The following CFAP20DC variants were observed in gnomAD, a reference collection of about 807,000 sequenced individuals.
The protein encoded by CFAP20DC is protein CFAP20DC.
A neutral mutation model predicts 101.7 loss-of-function variants in CFAP20DC; 84 were observed. That is an observed-to-expected ratio of 0.83 (90% confidence interval 0.69 to 0.99). The LOEUF is 0.99. Ranked by LOEUF, CFAP20DC falls within the 50% of genes least tolerant of loss-of-function variation. The pLI is 0.00. For synonymous variants in CFAP20DC, 359 were observed against 351.2 expected, an observed-to-expected ratio of 1.02 and a Z score of -0.25; for missense variants, 1,007 against 970.3, an observed-to-expected ratio of 1.04 and a Z score of -0.50.
intron 14 of CFAP20DC, among the ~76,000 whole-genome samples, chr3:58,808,700 A>C (rs1467160206): frequency 6.6e-6 from 1 of 152,224 alleles, no homozygotes; most frequent in African/African-American, 2.4e-5. Context: ...ACAGGATCAA[A>C]TTCACACATA....
intron 6 of CFAP20DC, among the ~76,000 whole-genome samples, chr3:58,890,909 C>T (rs1461271877): frequency 8.9e-4 from 131 of 147,660 alleles, no homozygotes; most frequent in African/African-American, 3.1e-3. Flanking sequence ...GATGGGATGG[C>T]GGCCGGGCGG....
intron 13 of CFAP20DC, among the ~76,000 whole-genome samples, chr3:58,836,010 G>C (rs1485048309): frequency 6.6e-6 from 1 of 152,160 alleles, no homozygotes; most frequent in Non-Finnish European, 1.5e-5. Context: ...ATTTGTCCTA[G>C]GAACGAGGCA....
At chr3:58,967,072 A>G (rs2091605209) in intron 4 of CFAP20DC, among the ~76,000 whole-genome samples, 1 of 152,214 alleles carries the variant, frequency 6.6e-6, no homozygotes, top group East Asian at 1.9e-4. Flanking sequence ...AGCATGAACA[A>G]AGTTGGAGGA....
At chr3:59,009,345 T>A (rs1047553000) in intron 4 of CFAP20DC, among the ~76,000 whole-genome samples, 4 of 151,784 alleles carry the variant, frequency 2.6e-5, no homozygotes, top group African/African-American at 9.7e-5. Context: ...AATTGCCAGA[T>A]AAAAAATTCA....
chr3:58,884,258 G>A (rs551654456), intron 7 of CFAP20DC, among the ~76,000 whole-genome samples: 9 of 152,198 alleles, frequency 5.9e-5, no homozygotes, highest in Non-Finnish European at 1.2e-4. Context: ...AGTGGTTAAA[G>A]TTACTGTTTC....
At chr3:58,886,869 G>A (rs1160543142) in intron 6 of CFAP20DC, among the ~76,000 whole-genome samples, 1 of 152,076 alleles carries the variant, frequency 6.6e-6, no homozygotes, top group African/African-American at 2.4e-5. Context: ...TATGAGTAAA[G>A]TTTCTGTTTT....
chr3:58,937,238 C>A (rs1270344283), intron 5 of CFAP20DC, among the ~76,000 whole-genome samples: 3 of 152,198 alleles, frequency 2.0e-5, no homozygotes, highest in Non-Finnish European at 4.4e-5. Context: ...CTCTTTCCAG[C>A]GTCCACGCTT....
chr3:59,020,941 C>T (rs1354538485), intron 4 of CFAP20DC, among the ~76,000 whole-genome samples: 1 of 152,002 alleles, frequency 6.6e-6, no homozygotes, highest in Admixed American at 6.6e-5. Context: ...TTTTGTAAAC[C>T]ATCTTAGCAA....
Position 58,729,253 on chromosome 3 carries a change from G to A in CFAP20DC, c.198-11625C>T, listed in dbSNP as rs758761480. Among the ~76,000 whole-genome samples the A allele has an allele frequency of 3.7e-4, 56 of 152,188 alleles. No individual in the cohort carries two copies. The highest frequency in any genetic ancestry group is 1.7e-3 in the South Asian group (8 of 4,826). On this transcript the variant is annotated intron_variant, in intron 3 of 3. Coordinates refer to the CFAP20DC transcript ENST00000486145. This position sits in a 1 kb window ranked among gnomAD's most constrained non-coding sequence, Gnocchi z 4.4. ...GACAACTAATATAATATTTTAATTCGTATCAATAAATGTTTCATAATTTTG... is the reference window on the plus strand; with the variant it reads ...GACAACTAATATAATATTTTAATTCATATCAATAAATGTTTCATAATTTTG...
rs932392883 is a variant in CFAP20DC, at chr3:58,874,014, G to A, written c.716-3705C>T. Among the ~76,000 whole-genome samples the A allele has an allele frequency of 2.6e-5, 4 of 152,262 alleles. No homozygotes were observed. The highest frequency in any genetic ancestry group is 7.2e-5 in the African/African-American group (3 of 41,476). ...AGTCTGGATAGCTATTCTGGATGCC[G>A]TAAGGCAGATTCAGACATCAGGTGA... On this transcript the variant is annotated intron_variant, in intron 7 of 16. Transcript: ENST00000482387. The surrounding 1 kb of genome is among the most constrained non-coding windows in gnomAD (Gnocchi z 5.1).
In CFAP20DC at chr3:58,867,933, G is replaced by C; in HGVS notation, c.1019C>G (p.Ala340Gly). 1 of 1,604,948 alleles carries C rather than the reference G, an allele frequency of 6.2e-7. No individual in the cohort carries two copies. The highest frequency in any genetic ancestry group is 1.3e-5 in the African/African-American group (1 of 74,476). ...QIKQTVPIHA[A>G]NLHIMHPHPP... ...ATGCGGATGCATAATATGTAGATTG[G>C]CTGCTACATTTTCATATCAAAGCAC... Residue 340 changes from alanine to glycine, a missense_variant, in exon 10 of 17, where the codon GCC (alanine) becomes GGC (glycine). Transcript: ENST00000482387.
chr3:59,018,181 C>G (rs1868161), intron 4 of CFAP20DC: 36,661 of 151,952 alleles, frequency 0.24, 5,118 homozygotes, highest in African/African-American at 0.39. Flanking sequence ...ATGTGGCAAA[C>G]TATGCTAGGT....
At chr3:58,763,696 T>C (rs1428676619) in intron 15 of CFAP20DC, among the ~76,000 whole-genome samples, 1 of 152,194 alleles carries the variant, frequency 6.6e-6, no homozygotes, top group Non-Finnish European at 1.5e-5. Context: ...TTGATGATGG[T>C]GATGTACAGA....
In CFAP20DC at chr3:58,753,729, A is replaced by G. The variant is rs1378518798; in HGVS notation, c.2332+40T>C. ...GGATTCTCTCTATTTATAGTAAATTATTTTTATTTTCTTATGCATATCGTT... is the reference window on the plus strand; with the variant it reads ...GGATTCTCTCTATTTATAGTAAATTGTTTTTATTTTCTTATGCATATCGTT... On this transcript the variant is annotated intron_variant, in intron 16 of 16. Coordinates refer to ENST00000482387, the MANE Select transcript of CFAP20DC (RefSeq NM_001394063.1). 5 of 1,269,320 alleles carry G rather than the reference A, an allele frequency of 3.9e-6. No individual in the cohort carries two copies. The African/African-American group carries it at 5.9e-5, about 15-fold the overall frequency. The allele number at this position is 1,269,320 out of a possible 1,614,324, so 78.6% of individuals were successfully genotyped here. A position where few individuals can be genotyped will look rare whatever the true frequency, so the allele number is the denominator to read the frequency against.
At chr3:58,739,180 A>G (rs1382459945), downstream of CFAP20DC, among the ~76,000 whole-genome samples, 1 of 152,232 alleles carries the variant, frequency 6.6e-6, no homozygotes, top group African/African-American at 2.4e-5. Context: ...GATAGCAAGA[A>G]CTTATAATTA....
In CFAP20DC at chr3:58,807,399, C is replaced by T. The variant is rs188253012; in HGVS notation, c.2176-943G>A. 6.6e-4 allele frequency among the ~76,000 whole-genome samples: 101 copies of T among 152,294 alleles called. 1 individual carries two copies. The Middle Eastern group carries it at 0.01, about 15-fold the overall frequency. ...AGAGGAACGATCAGACAGCAGCATT[C>T]GTGGTTCATGAAAATCCGCTGTTCT... On this transcript the variant is annotated intron_variant, in intron 14 of 16. Transcript: ENST00000482387.
chr3:58,746,811 T>C (rs2068236229), intron 16 of CFAP20DC, among the ~76,000 whole-genome samples: 1 of 152,176 alleles, frequency 6.6e-6, no homozygotes, highest in South Asian at 2.1e-4. Context: ...AAGTAAGTGC[T>C]TTAAGCTTAC....
At chr3:58,836,950 C>T (rs573882106) in intron 13 of CFAP20DC, among the ~76,000 whole-genome samples, 35 of 152,120 alleles carry the variant, frequency 2.3e-4, no homozygotes, top group East Asian at 5.8e-4. Context: ...ATGGAGGAGA[C>T]GGTCCCTAAG....
At chr3:58,804,554 G>C (rs897635680) in intron 15 of CFAP20DC, among the ~76,000 whole-genome samples, 2 of 151,916 alleles carry the variant, frequency 1.3e-5, no homozygotes, top group Admixed American at 1.3e-4. Flanking sequence ...TTAGAGATGT[G>C]GTTTCACCAT....
Sources: gnomAD v4.1 joint callset for allele counts (sites outside exome capture counted in the v4.1 genomes callset) on GRCh38, gnomAD v4.1.1 for gene constraint, Gnocchi (gnomAD v3.1) non-coding constraint, MANE v1.5 for transcripts, NCBI Gene and HGNC (gene_info 2026-07-23, HGNC 2026-07-21) for gene names.